Variants in WDFY3 observed in about 807,000 individuals in gnomAD.
The protein encoded by WDFY3 is WD repeat and FYVE domain-containing protein 3.
WDFY3 carries 66 observed loss-of-function variants against 409.6 expected under a neutral mutation model. The ratio of observed to expected loss-of-function variants is 0.16; its 90% CI spans 0.13 to 0.20. WDFY3 has a LOEUF of 0.20. Among genes scored for constraint, WDFY3 ranks in the 10% least tolerant of loss-of-function variants. The probability of loss-of-function intolerance (pLI) is 1.00; values close to 1 mark genes in which losing one functional copy is unlikely to be tolerated. For missense variants in WDFY3, 3,031 were observed against 4,298.1 expected (o/e 0.71, Z 8.24); for synonymous variants, 1,521 against 1,537.1 (o/e 0.99, Z 0.25).
intron 2 of WDFY3, among the ~76,000 whole-genome samples, chr4:84,907,593 G>A (rs562770946): frequency 1.3e-5 from 2 of 152,282 alleles, no homozygotes; most frequent in Admixed American, 1.3e-4. Flanking sequence ...TCCTAAGCCA[G>A]GGCCACCTAG....
At chr4:84,752,223 G>A (rs1447722472) in intron 35 of WDFY3, among the ~76,000 whole-genome samples, 1 of 151,984 alleles carries the variant, frequency 6.6e-6, no homozygotes. Flanking sequence ...CAAATTATAA[G>A]ATGCTGATGG....
At chr4:84,853,495 A>G (rs954416572) in intron 4 of WDFY3, among the ~76,000 whole-genome samples, 2 of 152,082 alleles carry the variant, frequency 1.3e-5, no homozygotes, top group Non-Finnish European at 2.9e-5. Context: ...TTTTTAATGG[A>G]GGTGTTTATA....
chr4:84,742,133 G>A (rs1578324247), intron 37 of WDFY3, among the ~76,000 whole-genome samples: 2 of 152,204 alleles, frequency 1.3e-5, no homozygotes, highest in African/African-American at 4.8e-5. Context: ...GTTATGGATT[G>A]AAACTACCTG....
chr4:84,702,464 G>C lies in WDFY3; in HGVS notation c.8485C>G (p.Arg2829Gly). The C allele has an allele frequency of 6.2e-7, 1 of 1,613,246 alleles. No homozygotes were observed. Among genetic ancestry groups the C allele is most frequent in the Non-Finnish European group, 8.5e-7 (1 of 1,179,766 alleles). Residue 2829 changes from arginine to glycine, a missense_variant, in exon 56 of 68, where the codon CGC becomes GGC. Arg to Gly is a moderately radical substitution (Grantham distance 125). Around this residue, in one of 16 missense-constraint regions of WDFY3, gnomAD observed 129 missense variants for 305.3 expected, o/e 0.42. Coordinates refer to ENST00000295888, the MANE Select transcript of WDFY3 (RefSeq NM_014991.6). Reference protein sequence around the residue: ...DLADRMFHSVREAWYSASKHN... With the variant: ...DLADRMFHSVGEAWYSASKHN... The stretch of plus-strand genomic sequence containing the variant: ...TTTGACGCTGAATACCAGGCCTCGC[G>C]CACACTGTGAAACATCCGGTCAGCC...
chr4:84,855,821 A>ATGC (rs1759685539), intron 4 of WDFY3, among the ~76,000 whole-genome samples: 1 of 152,168 alleles, frequency 6.6e-6, no homozygotes, highest in Admixed American at 6.5e-5. Context: ...TATTTATCTT[A>ATGC]TGCTCTTTTT....
At chr4:84,738,731 A>G (rs928298412) in intron 40 of WDFY3, among the ~76,000 whole-genome samples, 5 of 152,178 alleles carry the variant, frequency 3.3e-5, no homozygotes, top group African/African-American at 1.2e-4. Context: ...TTCTCTTTAT[A>G]GTTAATTCCA....
At chr4:84,701,630 A>T (rs1307001584) in intron 56 of WDFY3, among the ~76,000 whole-genome samples, 1 of 152,248 alleles carries the variant, frequency 6.6e-6, no homozygotes, top group Non-Finnish European at 1.5e-5. Context: ...AGAAGCATAG[A>T]TCAGCAAACT....
At chr4:84,964,360 T>C (rs896627116) in intron 1 of WDFY3, among the ~76,000 whole-genome samples, 5 of 152,180 alleles carry the variant, frequency 3.3e-5, no homozygotes, top group Admixed American at 6.5e-5. Flanking sequence ...TCCTAACTTC[T>C]TGGGAGGCTG....
At chr4:84,867,858 ACAG>A in intron 3 of WDFY3, among the ~76,000 whole-genome samples, 1 of 152,186 alleles carries the variant, frequency 6.6e-6, no homozygotes, top group Admixed American at 6.5e-5. Context: ...GTGAAATCTT[ACAG>A]TTTCATCAAA....
chr4:84,771,586 G>A (rs1214158121), intron 30 of WDFY3, among the ~76,000 whole-genome samples: 5 of 152,128 alleles, frequency 3.3e-5, no homozygotes, highest in African/African-American at 1.2e-4. Flanking sequence ...GTAGTTAAAA[G>A]CTTAGAATGC....
chr4:84,690,441 C>A, intron 61 of WDFY3, 65 bp downstream of exon 61: 1 of 1,610,660 alleles, frequency 6.2e-7, no homozygotes, highest in Non-Finnish European at 8.5e-7. Flanking sequence ...CTTTTTACTT[C>A]CTACAGGGTG....
intron 2 of WDFY3, among the ~76,000 whole-genome samples, chr4:84,928,077 AAT>A (rs937081645): frequency 6.6e-6 from 1 of 152,236 alleles, no homozygotes; most frequent in Non-Finnish European, 1.5e-5. Context: ...ATCTGCCCTC[AAT>A]ATGAGTGGGC....
chr4:84,894,750 CACTCCGGCCTGGGTGACAAAGCGAG>C (rs1271576513), intron 3 of WDFY3, among the ~76,000 whole-genome samples: 17 of 151,622 alleles, frequency 1.1e-4, no homozygotes, highest in Middle Eastern at 3.4e-3. Flanking sequence ...TGCGTCACCG[CACTCCGGCCTGGGTGACAAAGCGAG>C]ACTCAGTCTG....
chr4:84,841,915 G>A (rs1757407729), intron 5 of WDFY3, among the ~76,000 whole-genome samples: 2 of 152,076 alleles, frequency 1.3e-5, no homozygotes, highest in Admixed American at 1.3e-4. Context: ...TAAGGAGAAT[G>A]GTGAGAGGGA....
chr4:84,845,140 T>C (rs780997554), intron 5 of WDFY3, among the ~76,000 whole-genome samples: 5 of 152,180 alleles, frequency 3.3e-5, no homozygotes, highest in Non-Finnish European at 7.4e-5. Context: ...CTGTGGGTGC[T>C]GATTAGGTAA....
intron 2 of WDFY3, among the ~76,000 whole-genome samples, chr4:84,911,470 G>C (rs1421059631): frequency 6.6e-6 from 1 of 152,200 alleles, no homozygotes; most frequent in African/African-American, 2.4e-5. Context: ...CTGGGTGACA[G>C]AGTGAGACCC....
At position 84,679,105 on chromosome 4, in the gene WDFY3, C is replaced by A. The variant is rs139355199; in HGVS notation, c.9961G>T (p.Ala3321Ser). The change falls in exon 65 of 68, where the codon GCC becomes TCC. Residue 3321 changes from alanine to serine, a missense_variant. By Grantham distance (99) the Ala-to-Ser change is moderately conservative. This residue lies in a region of WDFY3 where 378 missense variants were observed against 477.3 expected (regional missense o/e 0.79). Coordinates refer to ENST00000295888, the MANE Select transcript of WDFY3 (RefSeq NM_014991.6). ...TCAGAGCCACTGTCAGTACACCAGG[C>A]GGCTGTTGCGCGGCAGGAGGCTGCC... Reference protein sequence around the residue: ...PRAASCRATAAWCTDSGSDDS... With the variant: ...PRAASCRATASWCTDSGSDDS... 1.9e-6 allele frequency: 3 copies of A among 1,614,074 alleles called. No individual in the cohort carries two copies. Among genetic ancestry groups the A allele is most frequent in the South Asian group, 1.1e-5 (1 of 91,096 alleles).
intron 2 of WDFY3, among the ~76,000 whole-genome samples, chr4:84,905,395 A>G (rs1199523557): frequency 6.6e-6 from 1 of 152,118 alleles, no homozygotes; most frequent in African/African-American, 2.4e-5. Flanking sequence ...CTCCAGTCTC[A>G]TTTAAGAATA....
intron 62 of WDFY3, among the ~76,000 whole-genome samples, chr4:84,684,492 G>A (rs913838724): frequency 6.6e-6 from 1 of 152,096 alleles, no homozygotes; most frequent in African/African-American, 2.4e-5. Flanking sequence ...AATCTATTAC[G>A]CCTTTCATCT....
Sources: allele counts gnomAD v4.1 joint callset (sites outside exome capture counted in the v4.1 genomes callset), GRCh38; gene constraint gnomAD v4.1.1; regional missense constraint gnomAD v4.1.1; transcripts MANE v1.5; gene names NCBI Gene and HGNC (gene_info 2026-07-23, HGNC 2026-07-21).